ZAN: variants seen among roughly 807,000 people sequenced by gnomAD.
ZAN encodes zonadhesin (gene/pseudogene).
ZAN carries 260 observed loss-of-function variants against 286.2 expected under a neutral mutation model. That is an observed-to-expected ratio of 0.91 (90% confidence interval 0.82 to 1.01). The LOEUF (loss-of-function observed/expected upper bound fraction) is 1.01, where lower values mean the gene tolerates loss of function less well. Ranked by LOEUF, ZAN falls within the 50% of genes least tolerant of loss-of-function variation. The pLI, the probability that ZAN is intolerant of heterozygous loss-of-function variation, is 0.00. For synonymous variants in ZAN, 1,368 were observed against 1,417.5 expected (o/e 0.97, Z 0.79); for missense variants, 3,410 against 3,639.2 (o/e 0.94, Z 1.62).
chr7:100,771,879 C>T lies in ZAN; in HGVS notation c.5284C>T (p.Gln1762Ter), dbSNP rs2116109290. The T allele has an allele frequency of 6.2e-7, 1 of 1,613,222 alleles. No homozygotes were observed. The highest frequency in any genetic ancestry group is 1.3e-5 in the African/African-American group (1 of 75,032). The change falls in exon 29 of 48, where the codon CAG (glutamine) becomes TAG (stop). Residue 1762 changes from glutamine to a stop codon, truncating the protein, a stop_gained. Coordinates refer to ENST00000613979, the MANE Select transcript of ZAN (RefSeq NM_003386.3). LOFTEE classifies it high-confidence loss of function. ...FSQCHQVVPP[Q>*]SSFASCVHGQ... The stretch of plus-strand genomic sequence containing the variant: ...TCAATGTCACCAGGTGGTGCCTCCC[C>T]AGTCCAGCTTTGCCAGTTGCGTGCA...
At chr7:100,783,229 T>C (rs991936683) in intron 35 of ZAN, among the ~76,000 whole-genome samples, 7 of 151,900 alleles carry the variant, frequency 4.6e-5, no homozygotes, top group African/African-American at 1.7e-4. Flanking sequence ...GATTGTGCCA[T>C]TGCACTCCAG....
Position 100,750,651 on chromosome 7 carries a change from G to A in ZAN, c.1276G>A (p.Asp426Asn). 2 of 1,613,442 alleles carry A rather than the reference G, an allele frequency of 1.2e-6. No individual in the cohort carries two copies. The highest frequency in any genetic ancestry group is 1.7e-6 in the Non-Finnish European group (2 of 1,179,722). The change falls in exon 12 of 48, where the codon GAC becomes AAC. Residue 426 changes from aspartate to asparagine, a missense_variant. By Grantham distance (23) the Asp-to-Asn change is conservative. Around this residue, in one of 7 missense-constraint regions of ZAN, gnomAD observed 872 missense variants for 938.9 expected, o/e 0.93. Coordinates refer to ENST00000613979, the MANE Select transcript of ZAN (RefSeq NM_003386.3). ...GGGTCACTATATCTACCTTGAGGCT[G>A]ACGAGTTCTCCCAGGCAGGCCAGTC... ...AGGHYIYLEA[D>N]EFSQAGQSVR...
chr7:100,736,742 A>G lies in ZAN; in HGVS notation c.254-67A>G. 1.4e-6 allele frequency: 2 copies of G among 1,459,808 alleles called. 1 individual carries two copies. The highest frequency in any genetic ancestry group is 1.9e-6 in the Non-Finnish European group (2 of 1,076,964). 90.4% of individuals were successfully genotyped at this position (1,459,808 alleles called of 1,614,324 possible). ...AGACCTGGATGCCTGGGCTCTGAGA[A>G]GGGGATGGGTGGGGGCAGCCCTCAG... On this transcript the variant is annotated intron_variant, in intron 4 of 47. Transcript: ENST00000613979.
intron 19 of ZAN, 78 bp downstream of exon 19, chr7:100,760,614 C>G (rs1312194809): frequency 1.3e-6 from 2 of 1,553,998 alleles, no homozygotes; most frequent in Non-Finnish European, 1.7e-6. Flanking sequence ...CTGCTGCCCA[C>G]CCTGCCCACT....
rs866351264 is a variant in ZAN, at chr7:100,762,150, C to T, written c.3843-65C>T. 6.3e-6 allele frequency: 10 copies of T among 1,598,488 alleles called. No individual in the cohort carries two copies. In the African/African-American group the frequency reaches 9.4e-5, roughly 15 times the overall value. On this transcript the variant is annotated intron_variant, in intron 19 of 47. Coordinates refer to ENST00000613979, the MANE Select transcript of ZAN (RefSeq NM_003386.3). ...GATCCCAGCTCCTTGCCTTCTCTGC[C>T]ACTGCCCCTCGAGGACCGAGGCTGC...
rs776813615 is a variant in ZAN at position 100,738,627 on chromosome 7, A to G, written c.766+14A>G. 2.0e-6 allele frequency: 3 copies of G among 1,513,344 alleles called. No individual in the cohort carries two copies. The highest frequency in any genetic ancestry group is 1.1e-5 in the South Asian group (1 of 88,012). The allele number at this position is 1,513,344 out of a possible 1,614,324, so 93.7% of individuals were successfully genotyped here. Reference sequence around the variant, plus strand: ...CTAGCCCTGGTAGTGAGTAGCGGCCATGCTTCTGTCCCTTGACTTTCTGGG... The same window carrying G: ...CTAGCCCTGGTAGTGAGTAGCGGCCGTGCTTCTGTCCCTTGACTTTCTGGG... On this transcript the variant is annotated intron_variant, in intron 7 of 47. Coordinates refer to ENST00000613979, the MANE Select transcript of ZAN (RefSeq NM_003386.3).
At chr7:100,774,922 T>C (rs1810647899) in intron 31 of ZAN, among the ~76,000 whole-genome samples, 1 of 63,586 alleles carries the variant, frequency 1.6e-5, no homozygotes. Flanking sequence ...CTGGGGTTTT[T>C]TGTTTGTTTG....
chr7:100,780,297 GT>G (rs1043542735), intron 35 of ZAN, among the ~76,000 whole-genome samples: 7 of 151,694 alleles, frequency 4.6e-5, no homozygotes, highest in African/African-American at 9.7e-5. Flanking sequence ...ATTCAATAGA[GT>G]TTTTTTTAAT....
In ZAN at chr7:100,792,074, C is replaced by G; in HGVS notation, c.7638C>G (p.Ala2546=). The G allele has an allele frequency of 6.2e-7, 1 of 1,613,130 alleles. No individual in the cohort carries two copies. Among genetic ancestry groups the G allele is most frequent in the Non-Finnish European group, 8.5e-7 (1 of 1,179,772 alleles). Residue 2546 remains alanine, a synonymous_variant, in exon 41 of 48, where the codon GCC becomes GCG. Transcript: ENST00000613979. ...AGCTGGCGAGCAACAGCACCCAGGC[C>G]TGTAGGGTGCTGGCAGACCCCCAGG... The part of the protein sequence containing the change: ...PEQLASNSTQ[A]CRVLADPQGP...
intron 37 of ZAN, among the ~76,000 whole-genome samples, chr7:100,787,160 G>T (rs1034637359): frequency 1.3e-5 from 2 of 151,940 alleles, no homozygotes; most frequent in Non-Finnish European, 2.9e-5. Flanking sequence ...GGTGGCTTAT[G>T]CCTGTAATCT....
chr7:100,749,896 C>T (rs904666212), intron 11 of ZAN, among the ~76,000 whole-genome samples: 3 of 147,874 alleles, frequency 2.0e-5, no homozygotes, highest in African/African-American at 5.0e-5. Context: ...ACTAAAAACA[C>T]AAAAATTAGC....
At chr7:100,775,939 A>G (rs1810752800) in intron 33 of ZAN, 106 bp downstream of exon 33, 1 of 1,431,156 alleles carries the variant, frequency 7.0e-7, no homozygotes, top group Admixed American at 2.1e-5. Context: ...CAAAGAGGCC[A>G]CTCCTCAGGA....
rs369681635 is a variant in ZAN at position 100,764,042 on chromosome 7, C to A, written c.4113C>A (p.His1371Gln). 2.0e-5 allele frequency: 32 copies of A among 1,613,768 alleles called. No homozygotes were observed. The highest frequency in any genetic ancestry group is 2.6e-5 in the Non-Finnish European group (31 of 1,179,854). Residue 1371 changes from histidine (H) to glutamine (Q), a missense_variant, in exon 22 of 48, where the codon CAC (histidine) becomes CAA (glutamine). Transcript: ENST00000613979. Reference sequence around the variant, plus strand: ...CTCCCCTCAGGACATGCCTGCTGCACGTGAAGGCCGCTTCCTTCTTCGACA... The same window carrying A: ...CTCCCCTCAGGACATGCCTGCTGCAAGTGAAGGCCGCTTCCTTCTTCGACA... ...THGPFETCLL[H>Q]VKAASFFDSC...
Position 100,794,268 on chromosome 7 carries a change from C to T in ZAN, c.8125+10C>T, listed in dbSNP as rs1045728306. 1.3e-6 allele frequency: 2 copies of T among 1,585,922 alleles called. No individual in the cohort carries two copies. The highest frequency in any genetic ancestry group is 1.3e-5 in the African/African-American group (1 of 74,528). On this transcript the variant is annotated intron_variant, in intron 44 of 47. Transcript: ENST00000613979. ...CAAGGCTGCTTTCCAGGTGAACCTG[C>T]ACTCCTGCCCGGTTCCAAGCTGCCC...
chr7:100,767,873 G>A lies in ZAN; in HGVS notation c.4903G>A (p.Gly1635Ser). Residue 1635 changes from glycine to serine, a missense_variant, in exon 26 of 48, where the codon GGC (glycine) becomes AGC (serine). By Grantham distance (56) the Gly-to-Ser change is moderately conservative. Transcript: ENST00000613979. ...GGCCCTACCTGTGTGGCTTGCACAA[G>A]GCCGGGTGACCATAAGGCTCAGCAG... ...RVALPVWLAQGRVTIRLSSNL... is the reference protein window; with the variant it reads ...RVALPVWLAQSRVTIRLSSNL... The A allele has an allele frequency of 1.2e-6, 2 of 1,613,950 alleles. No individual in the cohort carries two copies. The highest frequency in any genetic ancestry group is 2.2e-5 in the South Asian group (2 of 91,084).
Position 100,755,318 on chromosome 7 carries a change from G to A in ZAN, c.3217G>A (p.Gly1073Ser), listed in dbSNP as rs1809067277. The change falls in exon 15 of 48, where the codon GGC becomes AGC. Residue 1073 changes from glycine to serine, a missense_variant. Physicochemically the swap from Gly to Ser is moderately conservative, Grantham distance 56. This residue lies in a region of ZAN where 1,042 missense variants were observed against 1,058.0 expected (regional missense o/e 0.98). Coordinates refer to ENST00000613979, the MANE Select transcript of ZAN (RefSeq NM_003386.3). ...TAGCTGTGGGCCCCTCTGTCGGGAGGGCTGTGTCTGCAACCCTGGCTTTTT... is the reference window on the plus strand; with the variant it reads ...TAGCTGTGGGCCCCTCTGTCGGGAGAGCTGTGTCTGCAACCCTGGCTTTTT... ...RPSCGPLCRE[G>S]CVCNPGFLFS... 1.2e-6 allele frequency: 2 copies of A among 1,613,872 alleles called. No homozygotes were observed. The highest frequency in any genetic ancestry group is 1.7e-6 in the Non-Finnish European group (2 of 1,179,868).
At chr7:100,767,639 TA>T (rs200259720) in intron 25 of ZAN, among the ~76,000 whole-genome samples, 191 bp from the exon 26 acceptor site, 5,220 of 151,476 alleles carry the variant, frequency 0.034, 138 homozygotes, top group Middle Eastern at 0.11. Context: ...CCTGCACGGC[TA>T]ATTTTTTTTT....
At chr7:100,772,494 A>C (rs1327332261) in intron 29 of ZAN, among the ~76,000 whole-genome samples, 1 of 151,986 alleles carries the variant, frequency 6.6e-6, no homozygotes, top group Non-Finnish European at 1.5e-5. Flanking sequence ...CAGCACGACA[A>C]TGTGACTGTA....
At chr7:100,760,582 C>CTCT (rs778562044) in intron 19 of ZAN, 46 bp downstream of exon 19, 1 of 1,601,716 alleles carries the variant, frequency 6.2e-7, no homozygotes. Flanking sequence ...TTCCTGCTGC[C>CTCT]TCTTCCTGCT....
Sources: allele counts gnomAD v4.1 joint callset (sites outside exome capture counted in the v4.1 genomes callset), GRCh38; gene constraint gnomAD v4.1.1; regional missense constraint gnomAD v4.1.1; transcripts MANE v1.5; gene names NCBI Gene and HGNC (gene_info 2026-07-23, HGNC 2026-07-21).